The following CHD7 variants were observed in gnomAD, a reference collection of about 807,000 sequenced individuals.
The protein encoded by CHD7 is chromodomain helicase DNA binding protein 7, also known as ATP-dependent chromatin remodeler CHD7.
In CHD7, 24 loss-of-function variants were observed where a neutral mutation model predicts 307.3. That is an observed-to-expected ratio of 0.08 (90% CI 0.06 to 0.11). The LOEUF is 0.11. CHD7 is among the 10% of genes least tolerant of loss of function. The pLI is 1.00. For synonymous variants in CHD7, 1,363 were observed against 1,349.9 expected (o/e 1.01, Z -0.21); for missense variants, 3,106 against 3,727.1 (o/e 0.83, Z 4.34).
chr8:60,680,205 A>G (rs1445187270), intron 1 of CHD7, among the ~76,000 whole-genome samples: 3 of 151,346 alleles, frequency 2.0e-5, no homozygotes, highest in Non-Finnish European at 4.4e-5. Context: ...CGCGGCTTGG[A>G]GCGTGAACGG....
intron 1 of CHD7, among the ~76,000 whole-genome samples, chr8:60,680,604 C>A (rs553483568): frequency 6.6e-6 from 1 of 152,080 alleles, no homozygotes. Flanking sequence ...TGAGCGCCCC[C>A]GTGAAGCGAG....
chr8:60,763,202 A>G (rs544147564), intron 2 of CHD7, among the ~76,000 whole-genome samples: 3 of 152,388 alleles, frequency 2.0e-5, no homozygotes, highest in South Asian at 2.1e-4. Flanking sequence ...GATATATCCA[A>G]AAGATTGTGT....
At position 60,741,242 on chromosome 8, in the gene CHD7, C is replaced by T. The variant is rs2150576917; in HGVS notation, c.-174-17C>T. 1 of 576,734 alleles carries T rather than the reference C, an allele frequency of 1.7e-6. No homozygotes were observed. The highest frequency in any genetic ancestry group is 2.8e-5 in the East Asian group (1 of 35,660). The allele number at this position is 576,734 out of a possible 1,614,324, so 35.7% of individuals were successfully genotyped here. ...TGTTTTCTTCCTTCTTCTCCCCCAC[C>T]CCAAACTCCCTTCCAGGACCTATAT... On this transcript the variant is annotated splice_polypyrimidine_tract_variant and intron_variant, in intron 1 of 37. Transcript: ENST00000423902.
chr8:60,849,483 A>G (rs1805357057), intron 25 of CHD7, among the ~76,000 whole-genome samples: 2 of 152,186 alleles, frequency 1.3e-5, no homozygotes, highest in South Asian at 2.1e-4. Context: ...AACTCTGCCA[A>G]CCAGTGTCAA....
Position 60,822,767 on chromosome 8 carries a change from T to G in CHD7, c.3201+21T>G, listed in dbSNP as rs575169079. On this transcript the variant is annotated intron_variant, in intron 12 of 37. Coordinates refer to ENST00000423902, the MANE Select transcript of CHD7 (RefSeq NM_017780.4). ...CCCAGGTAAACCTTCACAGGTTGTA[T>G]TCTTTGTACTTACTCTGTGCATTTT... 1.1e-4 allele frequency: 178 copies of G among 1,587,834 alleles called. 1 individual carries two copies. The East Asian group carries it at 1.5e-3, about 13-fold the overall frequency.
chr8:60,734,435 C>T lies in CHD7; in HGVS notation c.-174-6824C>T, dbSNP rs62524949. ...GGAGGTGAACACATAAGAATAGTAG[C>T]GTGCTTGGCACTTTTGTAGCTTCTG... On this transcript the variant is annotated intron_variant, in intron 1 of 37. Transcript: ENST00000423902. Among the ~76,000 whole-genome samples, 712 of 152,282 alleles carry T rather than the reference C, an allele frequency of 4.7e-3. 5 individuals are homozygous for T. Among genetic ancestry groups the T allele is most frequent in the Admixed American group, 9.0e-3 (137 of 15,298 alleles).
Position 60,854,511 on chromosome 8 carries a change from G to C in CHD7, c.6924G>C (p.Ser2308=), listed in dbSNP as rs61733338. Residue 2308 remains serine (S), a synonymous_variant, in exon 32 of 38, where the codon TCG becomes TCC. Coordinates refer to ENST00000423902, the MANE Select transcript of CHD7 (RefSeq NM_017780.4). ...QLLHERTFAF[S]FWPKDRVMIN... ...TTCATGAAAGAACATTTGCCTTCTC[G>C]TTTTGGCCTAAGGTTGGCAGGTTTT... The C allele has an allele frequency of 1.6e-5, 25 of 1,598,786 alleles. No individual in the cohort carries two copies. In the African/African-American group the frequency reaches 2.8e-4, roughly 18 times the overall value.
rs763310622 is a variant in CHD7, at chr8:60,742,457, A to G, written c.1025A>G (p.Gln342Arg). ...CTTACAAATAATACTCCAATGAATC[A>G]GTCCGTACCAAGATACCCCAATGCT... ...LGLTNNTPMN[Q>R]SVPRYPNAVG... Residue 342 changes from glutamine to arginine, a missense_variant, in exon 2 of 38, where the codon CAG becomes CGG. Gln to Arg is a conservative substitution (Grantham distance 43, BLOSUM62 1). This residue lies in a region of CHD7 where 998 missense variants were observed against 1,004.5 expected (regional missense o/e 0.99). Coordinates refer to ENST00000423902, the MANE Select transcript of CHD7 (RefSeq NM_017780.4). The G allele has an allele frequency of 6.2e-7, 1 of 1,614,062 alleles. No homozygotes were observed. The highest frequency in any genetic ancestry group is 1.3e-5 in the African/African-American group (1 of 75,054).
Position 60,866,677 on chromosome 8 carries a change from A to G in CHD7, c.*744A>G, listed in dbSNP as rs1806254434. 6.6e-6 allele frequency: 1 copy of G among 152,636 alleles called. No individual in the cohort carries two copies. Among genetic ancestry groups the G allele is most frequent in the Admixed American group, 6.5e-5 (1 of 15,286 alleles). 9.5% of individuals were successfully genotyped at this position (152,636 alleles called of 1,614,324 possible). ...AGAGAGAATCAGGTACCTTTTTTAA[A>G]TTAAAGGACTTTGTTACTTTAGCCA... On this transcript the variant is annotated 3_prime_UTR_variant, in exon 38 of 38. Coordinates refer to ENST00000423902, the MANE Select transcript of CHD7 (RefSeq NM_017780.4).
At chr8:60,754,185 G>A (rs1019216986) in intron 2 of CHD7, among the ~76,000 whole-genome samples, 4 of 152,150 alleles carry the variant, frequency 2.6e-5, no homozygotes, top group Non-Finnish European at 4.4e-5. Flanking sequence ...TGCTGGGCAG[G>A]CAAGAGCACA....
At chr8:60,821,689 C>T in intron 9 of CHD7, 101 bp from the exon 10 acceptor site, 1 of 906,872 alleles carries the variant, frequency 1.1e-6, no homozygotes. Flanking sequence ...TATATACACA[C>T]ATACATATCT....
rs201056061 is a variant in CHD7 at position 60,816,113 on chromosome 8, G to GTCTCTCTCTCTCTC, written c.2499-246_2499-233dup. Among the ~76,000 whole-genome samples, 423 of 139,288 alleles carry GTCTCTCTCTCTCTC rather than the reference G, an allele frequency of 3.0e-3. 1 individual carries two copies. Among genetic ancestry groups the GTCTCTCTCTCTCTC allele is most frequent in the Non-Finnish European group, 4.7e-3 (308 of 65,582 alleles). The allele number at this position is 139,288 out of a possible 152,430, so 91.4% of individuals were successfully genotyped here. ...GTCTCTTTTGTCTGTCTGTCTGTCT[G>GTCTCTCTCTCTCTC]TCTCTCTCTCTCTCTCTCTCTCTCT... On this transcript the variant is annotated intron_variant, in intron 7 of 37. Transcript: ENST00000423902.
In CHD7 at chr8:60,678,838, A is replaced by T. The variant is rs1224310540; in HGVS notation, c.-419A>T. ...CGGGGGTTGAGTCGTGGTGGTGCGG[A>T]CGCGCTCGTGCTCGGGAACTATCGG... On this transcript the variant is annotated 5_prime_UTR_variant, in exon 1 of 38. Coordinates refer to ENST00000423902, the MANE Select transcript of CHD7 (RefSeq NM_017780.4). 3 of 145,210 alleles carry T rather than the reference A, an allele frequency of 2.1e-5. 1 individual carries two copies. The Admixed American group carries it at 2.1e-4, about 10-fold the overall frequency. The allele number at this position is 145,210 out of a possible 1,614,324, so 9.0% of individuals were successfully genotyped here. A position where few individuals can be genotyped will look rare whatever the true frequency, so the allele number is the denominator to read the frequency against.
chr8:60,718,146 G>T (rs796763337), intron 1 of CHD7, among the ~76,000 whole-genome samples: 6 of 145,394 alleles, frequency 4.1e-5, no homozygotes, highest in African/African-American at 1.5e-4. Context: ...ACCTGTGTAG[G>T]TCTAGGCTAA....
intron 1 of CHD7, among the ~76,000 whole-genome samples, chr8:60,700,484 A>T (rs1806707295): frequency 6.6e-6 from 1 of 152,244 alleles, no homozygotes; most frequent in South Asian, 2.1e-4. Context: ...CCAAGGCATC[A>T]GCACCACGGA....
intron 4 of CHD7, among the ~76,000 whole-genome samples, chr8:60,798,284 C>G (rs1812123611): frequency 6.6e-6 from 1 of 152,228 alleles, no homozygotes; most frequent in African/African-American, 2.4e-5. Context: ...GGAGGAACCT[C>G]TGGCCCATGT....
chr8:60,770,374 C>T (rs532359801), intron 2 of CHD7, among the ~76,000 whole-genome samples: 7 of 151,968 alleles, frequency 4.6e-5, no homozygotes, highest in Admixed American at 3.3e-4. Flanking sequence ...AATTTTCTCA[C>T]TTGCACAACA....
intron 4 of CHD7, among the ~76,000 whole-genome samples, chr8:60,798,487 A>G (rs1563609964): frequency 6.6e-6 from 1 of 152,208 alleles, no homozygotes; most frequent in African/African-American, 2.4e-5. Flanking sequence ...TCCCTTTTTA[A>G]GAGCAGGGAG....
At chr8:60,701,226 G>T (rs978362627) in intron 1 of CHD7, among the ~76,000 whole-genome samples, 4 of 152,228 alleles carry the variant, frequency 2.6e-5, no homozygotes, top group Non-Finnish European at 5.9e-5. Context: ...ATGTTCACAG[G>T]TTATGTAGTA....
Sources: allele counts gnomAD v4.1 joint callset (sites outside exome capture counted in the v4.1 genomes callset), GRCh38; gene constraint gnomAD v4.1.1; regional missense constraint gnomAD v4.1.1; transcripts MANE v1.5; gene names NCBI Gene and HGNC (gene_info 2026-07-23, HGNC 2026-07-21).